The following AGTPBP1 variants were observed in gnomAD, a reference collection of about 807,000 sequenced individuals.
AGTPBP1 encodes the protein cytosolic carboxypeptidase 1.
Under a neutral mutation model 143.9 loss-of-function variants are expected in AGTPBP1, and 70 were observed. The observed-to-expected ratio is 0.49, with a 90% CI of 0.40 to 0.59. The LOEUF (loss-of-function observed/expected upper bound fraction) is 0.59, where lower values mean the gene tolerates loss of function less well. Ranked by LOEUF, AGTPBP1 falls within the 20% of genes least tolerant of loss-of-function variation. The probability of loss-of-function intolerance (pLI) is 0.00; values close to 1 mark genes in which losing one functional copy is unlikely to be tolerated. For missense variants in AGTPBP1, 1,229 were observed against 1,464.5 expected (o/e 0.84, Z 2.62); for synonymous variants, 463 against 500.2 (o/e 0.93, Z 0.99).
At chr9:85,637,958 G>T (rs1490858840) in intron 13 of AGTPBP1, among the ~76,000 whole-genome samples, 1 of 152,170 alleles carries the variant, frequency 6.6e-6, no homozygotes, top group Non-Finnish European at 1.5e-5. Context: ...GAAGGTCTGA[G>T]ACACAAAAGG....
the AGTPBP1 span, among the ~76,000 whole-genome samples, chr9:85,772,312 C>G: frequency 6.6e-6 from 1 of 152,104 alleles, no homozygotes. Flanking sequence ...TGGCTAAGGT[C>G]AGTGGATTTT....
At chr9:85,559,647 C>T (rs1826576674) in intron 25 of AGTPBP1, among the ~76,000 whole-genome samples, 3 of 145,966 alleles carry the variant, frequency 2.1e-5, no homozygotes, top group Admixed American at 2.0e-4. Flanking sequence ...CCAGGTTGAC[C>T]AACTGGACCC....
At chr9:85,601,857 A>G (rs1829693901) in intron 17 of AGTPBP1, among the ~76,000 whole-genome samples, 1 of 152,162 alleles carries the variant, frequency 6.6e-6, no homozygotes, top group South Asian at 2.1e-4. Context: ...CCTCATTCCC[A>G]GCAAATTTCA....
At chr9:85,644,077 CAT>C (rs1241368917) in intron 12 of AGTPBP1, among the ~76,000 whole-genome samples, 1 of 151,780 alleles carries the variant, frequency 6.6e-6, no homozygotes, top group African/African-American at 2.4e-5. Flanking sequence ...AAGAAAAAAA[CAT>C]ATTATGTATT....
At position 85,547,246 on chromosome 9, in the gene AGTPBP1, G is replaced by C. The variant is rs1366792463; in HGVS notation, c.3544C>G (p.Leu1182Val). ...TCTGCACTGTAATCAACTTCTTCAA[G>C]GAATCGAGGTTCATCTTCATCCAAG... The part of the protein sequence containing the change: ...YVLDEDEPRF[L>V]EEVDYSAESN... The change falls in exon 26 of 26, where the codon CTT becomes GTT. Residue 1182 changes from leucine to valine, a missense_variant. By Grantham distance (32) the Leu-to-Val change is conservative. Transcript: ENST00000357081. 1 of 1,612,792 alleles carries C rather than the reference G, an allele frequency of 6.2e-7. No individual in the cohort carries two copies. Among genetic ancestry groups the C allele is most frequent in the East Asian group, 2.2e-5 (1 of 44,794 alleles).
intron 11 of AGTPBP1, among the ~76,000 whole-genome samples, chr9:85,654,663 C>A (rs749443283): frequency 6.6e-6 from 1 of 151,690 alleles, no homozygotes; most frequent in East Asian, 1.9e-4. Context: ...GCCAACATGG[C>A]GAAAACCCAT....
At chr9:85,703,547 G>A (rs1836803421) in intron 2 of AGTPBP1, among the ~76,000 whole-genome samples, 1 of 152,208 alleles carries the variant, frequency 6.6e-6, no homozygotes. Flanking sequence ...AGATTGTCAA[G>A]GATGACTCCC....
intron 9 of AGTPBP1, among the ~76,000 whole-genome samples, chr9:85,660,111 T>C (rs2044896441): frequency 6.6e-6 from 1 of 151,948 alleles, no homozygotes. Flanking sequence ...TTCTGGCAAT[T>C]AAAATGTAGG....
At chr9:85,778,491 T>C in the AGTPBP1 span, among the ~76,000 whole-genome samples, 1 of 152,210 alleles carries the variant, frequency 6.6e-6, no homozygotes, top group Non-Finnish European at 1.5e-5. Context: ...TGCTGGGTCA[T>C]ATGGCCCAAG....
chr9:85,599,176 GGA>G lies in AGTPBP1; in HGVS notation c.2336-2729_2336-2728del, dbSNP rs200790341. On this transcript the variant is annotated intron_variant, in intron 17 of 25. Transcript: ENST00000357081. Reference sequence around the variant, plus strand: ...ACACAGTAGGGAGCAGGTGAGAGAGGGAGAGAGGGAGAGAGAGGGACAGAAGG... The same window carrying G: ...ACACAGTAGGGAGCAGGTGAGAGAGGGAGAGGGAGAGAGAGGGACAGAAGG... Among the ~76,000 whole-genome samples the G allele has an allele frequency of 4.9e-3, 716 of 144,830 alleles. 3 individuals are homozygous for G. The highest frequency in any genetic ancestry group is 8.3e-3 in the Admixed American group (122 of 14,654).
intron 25 of AGTPBP1, among the ~76,000 whole-genome samples, chr9:85,557,139 G>T (rs1310710702): frequency 6.6e-6 from 1 of 152,122 alleles, no homozygotes; most frequent in Non-Finnish European, 1.5e-5. Context: ...AATATAAATA[G>T]CCATAAACAT....
chr9:85,571,698 C>T (rs750294242), intron 25 of AGTPBP1, among the ~76,000 whole-genome samples: 9 of 152,148 alleles, frequency 5.9e-5, no homozygotes, highest in Admixed American at 1.3e-4. Context: ...CTGCGCTCTA[C>T]GATAAGATGC....
At chr9:85,612,125 C>G (rs1390080398) in intron 17 of AGTPBP1, among the ~76,000 whole-genome samples, 1 of 152,130 alleles carries the variant, frequency 6.6e-6, no homozygotes, top group Non-Finnish European at 1.5e-5. Flanking sequence ...TCTTTGACCC[C>G]ACTCCCTGAC....
the AGTPBP1 span, chr9:85,764,893 A>G: frequency 8.3e-7 from 1 of 1,205,984 alleles, no homozygotes; most frequent in South Asian, 1.2e-5. Context: ...TTAAGATGAA[A>G]AACTTAAAAA....
intron 6 of AGTPBP1, among the ~76,000 whole-genome samples, chr9:85,675,712 C>A (rs1277410229): frequency 6.6e-6 from 1 of 152,082 alleles, no homozygotes; most frequent in African/African-American, 2.4e-5. Flanking sequence ...TCAGTTACTG[C>A]AGGTCACTAG....
rs57074552 is a variant in AGTPBP1 at position 85,599,110 on chromosome 9, A to AACACACACACACACAC, written c.2336-2677_2336-2662dup. Among the ~76,000 whole-genome samples the AACACACACACACACAC allele has an allele frequency of 3.6e-3, 482 of 135,482 alleles. 4 individuals are homozygous for AACACACACACACACAC. The highest frequency in any genetic ancestry group is 0.021 in the East Asian group (87 of 4,234). 88.9% of individuals were successfully genotyped at this position (135,482 alleles called of 152,430 possible). A position where few individuals can be genotyped will look rare whatever the true frequency, so the allele number is the denominator to read the frequency against. ...CCATTCGTTTTCAACCTTGTCACTG[A>AACACACACACACACAC]ACACACACACACACACACACACACA... On this transcript the variant is annotated intron_variant, in intron 17 of 25. Transcript: ENST00000357081.
At chr9:85,699,824 A>T (rs1220832070) in intron 2 of AGTPBP1, among the ~76,000 whole-genome samples, 1 of 152,194 alleles carries the variant, frequency 6.6e-6, no homozygotes, top group Non-Finnish European at 1.5e-5. Context: ...GGAATGGATT[A>T]TTTTTTACCA....
chr9:85,776,959 C>T, the AGTPBP1 span, among the ~76,000 whole-genome samples: 8,532 of 152,210 alleles, frequency 0.056, 248 homozygotes, highest in Non-Finnish European at 0.061. Flanking sequence ...AGAGCATACA[C>T]GGCCTTCTGG....
chr9:85,716,049 T>C (rs1263008333), intron 1 of AGTPBP1, among the ~76,000 whole-genome samples: 3 of 152,204 alleles, frequency 2.0e-5, no homozygotes, highest in Non-Finnish European at 2.9e-5. Flanking sequence ...GACTTGTTTA[T>C]GCACACTGTC....
Sources: allele counts gnomAD v4.1 joint callset (sites outside exome capture counted in the v4.1 genomes callset), GRCh38; gene constraint gnomAD v4.1.1; transcripts MANE v1.5; gene names NCBI Gene and HGNC (gene_info 2026-07-23, HGNC 2026-07-21).